Variants in FANCD2OS observed in about 807,000 individuals in gnomAD.
FANCD2OS encodes the protein FANCD2 opposite strand protein.
FANCD2OS carries 11 observed loss-of-function variants against 13.2 expected under a neutral mutation model. That is an observed-to-expected ratio of 0.83 (90% CI 0.52 to 1.38). The LOEUF is 1.38. Among genes scored for constraint, FANCD2OS ranks in the 40% most tolerant of loss-of-function variants. The pLI is 0.00. For missense variants in FANCD2OS, 217 were observed against 213.9 expected, an observed-to-expected ratio of 1.01 and a Z score of -0.09; for synonymous variants, 69 against 84.5, an observed-to-expected ratio of 0.82 and a Z score of 1.01.
downstream of FANCD2OS, among the ~76,000 whole-genome samples, chr3:10,102,519 G>C (rs1695344031): frequency 6.6e-6 from 1 of 151,944 alleles, no homozygotes; most frequent in East Asian, 1.9e-4. Flanking sequence ...TTTGATTGGT[G>C]TAATAGTATA....
intron 2 of FANCD2OS, chr3:10,095,263 G>A (rs759686612): frequency 6.2e-7 from 1 of 1,614,048 alleles, no homozygotes; most frequent in East Asian, 2.2e-5. Context: ...TCACCTGTGT[G>A]GGCATTCCAA....
intron 2 of FANCD2OS, chr3:10,088,675 A>T: frequency 9.1e-7 from 1 of 1,094,066 alleles, no homozygotes; most frequent in Non-Finnish European, 1.4e-6. Context: ...AATGAACACA[A>T]TTTGGAACAT....
chr3:10,090,443 ATTTTTTTTTTTT>A lies in FANCD2OS; in HGVS notation c.*44-8924_*44-8913del, dbSNP rs773716319. On this transcript the variant is annotated intron_variant, in intron 2 of 2. Transcript: ENST00000524279. ...ACTTTGGATTACTTGGAAGTTGCTG[ATTTTTTTTTTTT>A]TTTTTTTTTTTTTTTTCTGAGACAG... 58 of 342,304 alleles carry A rather than the reference ATTTTTTTTTTTT, an allele frequency of 1.7e-4. No individual in the cohort carries two copies. The Middle Eastern group carries it at 2.6e-3, about 15-fold the overall frequency. 21.2% of individuals were successfully genotyped at this position (342,304 alleles called of 1,614,324 possible). A position where few individuals can be genotyped will look rare whatever the true frequency, so the allele number is the denominator to read the frequency against.
intron 2 of FANCD2OS, among the ~76,000 whole-genome samples, chr3:10,085,597 G>A (rs750828943): frequency 3.3e-5 from 5 of 151,784 alleles, no homozygotes; most frequent in Non-Finnish European, 7.4e-5. Context: ...TCACCGTGTT[G>A]GCCAAGATGG....
chr3:10,103,974 G>T lies in FANCD2OS; in HGVS notation c.*267C>A. The T allele has an allele frequency of 2.2e-6, 1 of 446,720 alleles. No individual in the cohort carries two copies. Among genetic ancestry groups the T allele is most frequent in the Non-Finnish European group, 4.0e-6 (1 of 252,464 alleles). The allele number at this position is 446,720 out of a possible 1,614,324, so 27.7% of individuals were successfully genotyped here. A position where few individuals can be genotyped will look rare whatever the true frequency, so the allele number is the denominator to read the frequency against. On this transcript the variant is annotated 3_prime_UTR_variant, in exon 2 of 2. Transcript: ENST00000450660. Reference sequence around the variant, plus strand: ...CTAGGCTCATTGGTTTATATCATTTGTTTAACGGTTATCACATGGACATGT... The same window carrying T: ...CTAGGCTCATTGGTTTATATCATTTTTTTAACGGTTATCACATGGACATGT...
chr3:10,091,385 C>T (rs73016577), intron 2 of FANCD2OS, among the ~76,000 whole-genome samples: 3,206 of 150,228 alleles, frequency 0.021, 42 homozygotes, highest in South Asian at 0.047. Flanking sequence ...CTGGCATAAA[C>T]CAGTGCAGCC....
At chr3:10,095,470 A>T (rs1469363233) in intron 2 of FANCD2OS, 2 of 603,386 alleles carry the variant, frequency 3.3e-6, no homozygotes, top group African/African-American at 3.7e-5. Context: ...CCGCATCTGA[A>T]ATTTGATTCA....
chr3:10,090,161 C>A, intron 2 of FANCD2OS: 1 of 690,654 alleles, frequency 1.4e-6, no homozygotes, highest in East Asian at 2.8e-5. Context: ...CCCCCATCCT[C>A]TTACTAAGGA....
downstream of FANCD2OS, among the ~76,000 whole-genome samples, chr3:10,102,712 G>A (rs1251635973): frequency 4.6e-5 from 7 of 151,294 alleles, no homozygotes; most frequent in Admixed American, 3.3e-4. Context: ...GCTTGGTGGC[G>A]GGCGCCTGTA....
rs138398760 is a variant in FANCD2OS at position 10,093,312 on chromosome 3, G to A, written c.*43+10886C>T. 7.6e-5 allele frequency: 123 copies of A among 1,613,180 alleles called. No homozygotes were observed. In the African/African-American group the frequency reaches 1.5e-3, roughly 20 times the overall value. ...ATTTGATAGTCATCCTGTTCTGCAT[G>A]TATGTTTGAAGGTGAGAGATTTACT... On this transcript the variant is annotated intron_variant, in intron 2 of 2. Coordinates refer to the FANCD2OS transcript ENST00000524279.
At chr3:10,105,676 A>G (rs1022337369) in intron 1 of FANCD2OS, among the ~76,000 whole-genome samples, 2 of 146,976 alleles carry the variant, frequency 1.4e-5, no homozygotes, top group African/African-American at 5.0e-5. Flanking sequence ...GCTTTAACCC[A>G]GGAGGCGGAG....
downstream of FANCD2OS, chr3:10,101,122 C>T (rs1695273321): frequency 8.5e-7 from 1 of 1,181,406 alleles, no homozygotes; most frequent in Non-Finnish European, 1.3e-6. Context: ...CCTCTAGGAG[C>T]TGTATTCCAG....
rs897873617 is a variant in FANCD2OS at position 10,091,448 on chromosome 3, G to A, written c.*44-9917C>T. On this transcript the variant is annotated intron_variant, in intron 2 of 2. Coordinates refer to the FANCD2OS transcript ENST00000524279. ...GTTTGCACCACTGCACTCCAACCTG[G>A]ATGTCAGACTCAGACCCTGTCTCAA... Among the ~76,000 whole-genome samples, 19 of 149,006 alleles carry A rather than the reference G, an allele frequency of 1.3e-4. 1 individual carries two copies. The highest frequency in any genetic ancestry group is 4.1e-4 in the Admixed American group (6 of 14,614).
intron 1 of FANCD2OS, 83 bp from the exon 2 acceptor site, chr3:10,104,865 C>T (rs2125110107): frequency 8.2e-7 from 1 of 1,225,926 alleles, no homozygotes; most frequent in Non-Finnish European, 1.1e-6. Context: ...ATCTCTGTCT[C>T]ACTATAGACA....
chr3:10,098,969 A>C (rs766391203), downstream of FANCD2OS: 22 of 1,614,038 alleles, frequency 1.4e-5, no homozygotes, highest in Admixed American at 1.5e-4. Flanking sequence ...GTGCTTATAT[A>C]ATTTTTGGGA....
chr3:10,104,385 A>G lies in FANCD2OS; in HGVS notation c.390T>C (p.Ile130=). 1 of 1,614,132 alleles carries G rather than the reference A, an allele frequency of 6.2e-7. No individual in the cohort carries two copies. The highest frequency in any genetic ancestry group is 8.5e-7 in the Non-Finnish European group (1 of 1,180,018). ...VSDKSAFCKI[I]SREHQWPIGL... ...CAATGGGCCACTGGTGCTCCCTGCT[A>G]ATGATTTTGCAAAAGGCTGACTTGT... The change falls in exon 2 of 2, where the codon ATT becomes ATC. Residue 130 remains isoleucine, a synonymous_variant. Transcript: ENST00000450660.
At position 10,088,517 on chromosome 3, in the gene FANCD2OS, A is replaced by G. The variant is rs949980921; in HGVS notation, c.*44-6986T>C. 5.6e-6 allele frequency: 9 copies of G among 1,607,092 alleles called. No homozygotes were observed. Among genetic ancestry groups the G allele is most frequent in the Middle Eastern group, 1.6e-4 (1 of 6,074 alleles). Reference sequence around the variant, plus strand: ...GGATAAAGAGAAGAGCAACATCTCTAATGACCAGCTCCATGCTCTGCTCTG... The same window carrying G: ...GGATAAAGAGAAGAGCAACATCTCTGATGACCAGCTCCATGCTCTGCTCTG... On this transcript the variant is annotated intron_variant, in intron 2 of 2. Coordinates refer to the FANCD2OS transcript ENST00000524279.
chr3:10,088,593 C>G (rs1475551768), intron 2 of FANCD2OS: 1 of 1,322,086 alleles, frequency 7.6e-7, no homozygotes, highest in Non-Finnish European at 1.1e-6. Flanking sequence ...TTCTATTTTG[C>G]TACTGTTGTT....
At chr3:10,083,902 A>G (rs1694006634) in intron 2 of FANCD2OS, among the ~76,000 whole-genome samples, 1 of 151,278 alleles carries the variant, frequency 6.6e-6, no homozygotes, top group Non-Finnish European at 1.5e-5. Context: ...AAAAAAAAAA[A>G]AAAAAGGTAT....
Sources: allele counts gnomAD v4.1 joint callset (sites outside exome capture counted in the v4.1 genomes callset), GRCh38; gene constraint gnomAD v4.1.1; transcripts MANE v1.5; gene names NCBI Gene and HGNC (gene_info 2026-07-23, HGNC 2026-07-21).